TBC1D4: variants seen among roughly 807,000 people sequenced by gnomAD.
TBC1D4 encodes the protein TBC1 domain family member 4.
TBC1D4 carries 121 observed loss-of-function variants against 142.5 expected under a neutral mutation model. That is an observed-to-expected ratio of 0.85 (90% CI 0.73 to 0.99). The LOEUF is 0.99. Among genes scored for constraint, TBC1D4 ranks in the 50% least tolerant of loss-of-function variants. The pLI is 0.00. For synonymous variants in TBC1D4, 630 were observed against 628.2 expected (o/e 1.00, Z -0.04); for missense variants, 1,475 against 1,606.6 (o/e 0.92, Z 1.40).
At chr13:75,405,316 C>A (rs1247520505) in intron 1 of TBC1D4, among the ~76,000 whole-genome samples, 2 of 143,628 alleles carry the variant, frequency 1.4e-5, no homozygotes, top group African/African-American at 5.1e-5. Context: ...TGTCACCCGG[C>A]TGGAGTGCAG....
At chr13:75,317,916 C>G (rs1177281780) in intron 12 of TBC1D4, among the ~76,000 whole-genome samples, 1 of 152,166 alleles carries the variant, frequency 6.6e-6, no homozygotes, top group Admixed American at 6.5e-5. Flanking sequence ...GGTAGGAAGG[C>G]TATTTCCAAG....
chr13:75,384,554 G>C (rs980605482), intron 1 of TBC1D4, among the ~76,000 whole-genome samples: 1 of 91,824 alleles, frequency 1.1e-5, no homozygotes, highest in Non-Finnish European at 2.3e-5. Context: ...AACCAGAAAA[G>C]ATAAAGGAAA....
intron 12 of TBC1D4, among the ~76,000 whole-genome samples, chr13:75,313,148 T>C (rs1390074570): frequency 6.6e-6 from 1 of 152,164 alleles, no homozygotes; most frequent in African/African-American, 2.4e-5. Context: ...AGCCAACCAG[T>C]CCTAGTTCTA....
intron 1 of TBC1D4, among the ~76,000 whole-genome samples, chr13:75,453,894 C>G (rs80137160): frequency 9.2e-5 from 14 of 151,502 alleles, no homozygotes; most frequent in African/African-American, 3.2e-4. Flanking sequence ...TTAATAATAT[C>G]GAAAAAGAAA....
intron 4 of TBC1D4, among the ~76,000 whole-genome samples, chr13:75,353,785 A>G (rs1175407215): frequency 1.3e-5 from 2 of 152,178 alleles, no homozygotes; most frequent in African/African-American, 4.8e-5. Flanking sequence ...GAGATAACTA[A>G]AGCATTGCAC....
At position 75,339,808 on chromosome 13, in the gene TBC1D4, G is replaced by A. The variant is rs552719503; in HGVS notation, c.1611+1317C>T. On this transcript the variant is annotated intron_variant, in intron 7 of 20. Coordinates refer to ENST00000377636, the MANE Select transcript of TBC1D4 (RefSeq NM_014832.5). ...GGCCAGACTCTAAACTCCTGACCTCGTGATTCACCAGCCTCAGCCTCCCAA... is the reference window on the plus strand; with the variant it reads ...GGCCAGACTCTAAACTCCTGACCTCATGATTCACCAGCCTCAGCCTCCCAA... Among the ~76,000 whole-genome samples, 171 of 152,126 alleles carry A rather than the reference G, an allele frequency of 1.1e-3. 2 individuals carry two copies. The highest frequency in any genetic ancestry group is 3.4e-4 in the Non-Finnish European group (23 of 67,988).
chr13:75,295,674 G>A (rs1379458143), intron 17 of TBC1D4, among the ~76,000 whole-genome samples: 1 of 152,124 alleles, frequency 6.6e-6, no homozygotes, highest in Non-Finnish European at 1.5e-5. Context: ...CTACTGAGTT[G>A]GTTATTGGCA....
At chr13:75,375,772 C>CT (rs1018339922) in intron 1 of TBC1D4, 1 of 125,676 alleles carries the variant, frequency 8.0e-6, no homozygotes, top group Non-Finnish European at 1.6e-5. Context: ...CCCCACCCCC[C>CT]CCACACACAC....
chr13:75,357,189 T>C (rs139458942), intron 3 of TBC1D4, among the ~76,000 whole-genome samples: 1 of 152,238 alleles, frequency 6.6e-6, no homozygotes, highest in African/African-American at 2.4e-5. Context: ...GAAATATAAT[T>C]CCTAGGATGT....
intron 13 of TBC1D4, among the ~76,000 whole-genome samples, chr13:75,312,424 A>AAAAG (rs375132840): frequency 0.027 from 3,656 of 135,974 alleles, 93 homozygotes; most frequent in South Asian, 0.11. Flanking sequence ...GGGAAAAAAA[A>AAAAG]AAAGAAAGAA....
At chr13:75,479,500 G>A (rs1317026321) in intron 1 of TBC1D4, among the ~76,000 whole-genome samples, 1 of 152,010 alleles carries the variant, frequency 6.6e-6, no homozygotes, top group Non-Finnish European at 1.5e-5. Flanking sequence ...TCCTACCAAT[G>A]AGACCAAGAG....
rs760300177 is a variant in TBC1D4, at chr13:75,481,525, C to T, written c.243G>A (p.Glu81=). 3 of 1,608,446 alleles carry T rather than the reference C, an allele frequency of 1.9e-6. No individual in the cohort carries two copies. Among genetic ancestry groups the T allele is most frequent in the South Asian group, 1.1e-5 (1 of 90,800 alleles). ...AGGGCGCGCTGAGCACCAGGATCAC[C>T]TCTCGGGCCGCCGGCGCCCCGCAGC... ...AGGCGAPAAR[E]VILVLSAPFL... The change falls in exon 1 of 21, where the codon GAG becomes GAA. Residue 81 remains glutamate (E), a synonymous_variant. Coordinates refer to ENST00000377636, the MANE Select transcript of TBC1D4 (RefSeq NM_014832.5).
chr13:75,479,360 CAT>C (rs767077072), intron 1 of TBC1D4, among the ~76,000 whole-genome samples: 78 of 152,260 alleles, frequency 5.1e-4, no homozygotes, highest in Non-Finnish European at 9.7e-4. Flanking sequence ...ATGAGAAAGT[CAT>C]ATGACTACCA....
At chr13:75,296,747 G>A (rs1875969177) in intron 17 of TBC1D4, among the ~76,000 whole-genome samples, 1 of 152,058 alleles carries the variant, frequency 6.6e-6, no homozygotes, top group Admixed American at 6.6e-5. Context: ...AAACTTCAGA[G>A]GAAAAGATAT....
intron 1 of TBC1D4, among the ~76,000 whole-genome samples, chr13:75,467,192 T>C (rs1300651186): frequency 6.6e-6 from 1 of 152,212 alleles, no homozygotes; most frequent in Non-Finnish European, 1.5e-5. Flanking sequence ...ATGATGTGTT[T>C]ATCCTCTACT....
chr13:75,481,872 T>C lies in TBC1D4; in HGVS notation c.-105A>G. The C allele has an allele frequency of 7.3e-7, 1 of 1,362,478 alleles. No individual in the cohort carries two copies. Among genetic ancestry groups the C allele is most frequent in the Non-Finnish European group, 9.4e-7 (1 of 1,063,048 alleles). 84.4% of individuals were successfully genotyped at this position (1,362,478 alleles called of 1,614,324 possible). A position where few individuals can be genotyped will look rare whatever the true frequency, so the allele number is the denominator to read the frequency against. On this transcript the variant is annotated 5_prime_UTR_variant, in exon 1 of 21. Transcript: ENST00000377636. The stretch of plus-strand genomic sequence containing the variant: ...AACTGTGCCAACTGCCGCACCGGGC[T>C]CCCGCGCCTGCCTGGGAGCGGCGCG...
intron 5 of TBC1D4, among the ~76,000 whole-genome samples, chr13:75,347,704 G>T (rs1213631975): frequency 6.6e-6 from 1 of 152,114 alleles, no homozygotes; most frequent in Non-Finnish European, 1.5e-5. Flanking sequence ...TGAGTGACTG[G>T]CACCCGTTGA....
Position 75,341,163 on chromosome 13 carries a change from T to C in TBC1D4, c.1573A>G (p.Lys525Glu), listed in dbSNP as rs756543660. The C allele has an allele frequency of 3.8e-5, 61 of 1,613,444 alleles. No homozygotes were observed. The highest frequency in any genetic ancestry group is 5.1e-5 in the Non-Finnish European group (60 of 1,179,914). Residue 525 changes from lysine (K) to glutamate (E), a missense_variant, in exon 7 of 21, where the codon AAG becomes GAG. By Grantham distance (56) the Lys-to-Glu change is moderately conservative. Around this residue, in one of 2 missense-constraint regions of TBC1D4, gnomAD observed 1,227 missense variants for 1,267.7 expected, o/e 0.97. Coordinates refer to ENST00000377636, the MANE Select transcript of TBC1D4 (RefSeq NM_014832.5). ...ILHLRQLCEA[K>E]QKTHVHIGEG... ...CCGATGTGCACGTGTGTCTTCTGCT[T>C]GGCTTCACACAGCTGCCTCAGGTGT... is the stretch of plus-strand genomic sequence containing the variant.
chr13:75,287,765 C>G (rs776244590), intron 20 of TBC1D4, among the ~76,000 whole-genome samples: 1 of 152,128 alleles, frequency 6.6e-6, no homozygotes, highest in Non-Finnish European at 1.5e-5. Flanking sequence ...TTAGAGATCC[C>G]TCATTTCTAA....
Sources: gnomAD v4.1 joint callset for allele counts (sites outside exome capture counted in the v4.1 genomes callset) on GRCh38, gnomAD v4.1.1 for gene constraint, gnomAD v4.1.1 regional missense constraint, MANE v1.5 for transcripts, NCBI Gene and HGNC (gene_info 2026-07-23, HGNC 2026-07-21) for gene names.